Variants in AMDHD2 observed in about 807,000 individuals in gnomAD.
The protein encoded by AMDHD2 is amidohydrolase domain containing 2.
Under a neutral mutation model 41.8 loss-of-function variants are expected in AMDHD2, and 24 were observed. The observed-to-expected ratio is 0.57, with a 90% CI of 0.42 to 0.81. The LOEUF (loss-of-function observed/expected upper bound fraction) is 0.81. AMDHD2 is among the 30% of genes least tolerant of loss of function. The probability of loss-of-function intolerance (pLI) is 0.00; values close to 1 mark genes in which losing one functional copy is unlikely to be tolerated. For missense variants in AMDHD2, 540 were observed against 588.5 expected, an observed-to-expected ratio of 0.92 and a Z score of 0.85; for synonymous variants, 332 against 255.5, an observed-to-expected ratio of 1.30 and a Z score of -2.85.
chr16:2,525,288 C>T (rs536213810), intron 3 of AMDHD2, among the ~76,000 whole-genome samples: 3 of 151,620 alleles, frequency 2.0e-5, no homozygotes, highest in African/African-American at 7.3e-5. Context: ...GAACTCCTGA[C>T]CTCAGGTGAT....
In AMDHD2 at chr16:2,528,388, G is replaced by A; in HGVS notation, c.862+8G>A. 6.2e-7 allele frequency: 1 copy of A among 1,612,886 alleles called. No homozygotes were observed. The highest frequency in any genetic ancestry group is 8.5e-7 in the Non-Finnish European group (1 of 1,179,946). On this transcript the variant is annotated splice_region_variant and intron_variant, in intron 7 of 10. Transcript: ENST00000293971. ...ACCGTGCCCATCCCCAGGGTAAGCT[G>A]CGGCAGGTGGCCAGGACAGGTAGGA...
intron 3 of AMDHD2, among the ~76,000 whole-genome samples, 200 bp downstream of exon 3, chr16:2,521,323 C>T (rs970951322): frequency 1.3e-5 from 2 of 152,030 alleles, no homozygotes; most frequent in Non-Finnish European, 2.9e-5. Flanking sequence ...CTCCCTAGAC[C>T]CTCTGTCCTC....
In AMDHD2 at chr16:2,529,835, G is replaced by A; in HGVS notation, c.*272G>A. Reference sequence around the variant, plus strand: ...CCTGGGGTGGGATGGCTGGGCTGTAGTTTAGCCTGGGCCTTGGGCCCCAGT... The same window carrying A: ...CCTGGGGTGGGATGGCTGGGCTGTAATTTAGCCTGGGCCTTGGGCCCCAGT... On this transcript the variant is annotated 3_prime_UTR_variant, in exon 11 of 11. Coordinates refer to ENST00000293971, the MANE Select transcript of AMDHD2 (RefSeq NM_001330449.2). The A allele has an allele frequency of 7.1e-7, 1 of 1,414,220 alleles. No homozygotes were observed. Among genetic ancestry groups the A allele is most frequent in the Non-Finnish European group, 9.2e-7 (1 of 1,083,848 alleles). 87.6% of individuals were successfully genotyped at this position (1,414,220 alleles called of 1,614,324 possible).
chr16:2,527,252 A>T lies in AMDHD2; in HGVS notation c.361-309A>T. The T allele has an allele frequency of 2.1e-6, 1 of 485,286 alleles. No individual in the cohort carries two copies. Among genetic ancestry groups the T allele is most frequent in the Non-Finnish European group, 3.7e-6 (1 of 272,416 alleles). The allele number at this position is 485,286 out of a possible 1,614,324, so 30.1% of individuals were successfully genotyped here. A position where few individuals can be genotyped will look rare whatever the true frequency, so the allele number is the denominator to read the frequency against. On this transcript the variant is annotated intron_variant, in intron 3 of 10. Coordinates refer to ENST00000293971, the MANE Select transcript of AMDHD2 (RefSeq NM_001330449.2). The surrounding 1 kb of genome is among the most constrained non-coding windows in gnomAD (Gnocchi z 6.1). ...CTGCCCCAGGGTCCCTGCTGCTCCC[A>T]GGAGCCTCCTGCCTCCCAGCCCTGC...
At position 2,527,914 on chromosome 16, in the gene AMDHD2, T is replaced by TG. The variant is rs1336309661; in HGVS notation, c.559dup (p.Ala187GlyfsTer7). On this transcript the variant is annotated frameshift_variant, in exon 5 of 11. Coordinates refer to ENST00000293971, the MANE Select transcript of AMDHD2 (RefSeq NM_001330449.2). LOFTEE classifies it high-confidence loss of function. The surrounding 1 kb of genome is among the most constrained non-coding windows in gnomAD (Gnocchi z 6.1). ...CTGGACAATGTCCGCATCGTGACGC[T>TG]GGCCCCAGAGTTGGGCCGTAGCCAC... is the stretch of plus-strand genomic sequence containing the variant. 1 of 1,597,176 alleles carries TG rather than the reference T, an allele frequency of 6.3e-7. No homozygotes were observed. The highest frequency in any genetic ancestry group is 8.5e-7 in the Non-Finnish European group (1 of 1,178,584).
intron 3 of AMDHD2, among the ~76,000 whole-genome samples, chr16:2,525,834 G>A (rs945602973): frequency 6.6e-5 from 10 of 152,070 alleles, no homozygotes; most frequent in Admixed American, 4.6e-4. Context: ...GTGAGCCACC[G>A]CGCCTGGCCA....
intron 10 of AMDHD2, 172 bp from the exon 11 acceptor site, chr16:2,529,303 G>T: frequency 8.6e-7 from 1 of 1,159,146 alleles, no homozygotes; most frequent in Admixed American, 2.3e-5. Context: ...GCAAGGGGTT[G>T]CAGGGAGCAT....
Position 2,520,527 on chromosome 16 carries a change from AG to A in AMDHD2, c.72del (p.Lys25AsnfsTer103). ...QFTNCRILRG[G>X]KLLREDLWVR... is the part of the protein sequence containing the mutation. ...TCACTAACTGCCGGATCCTGCGCGG[AG>A]GGAAACTGCTCAGGTGGGCGCGGGC... is the stretch of plus-strand genomic sequence containing the variant. On this transcript the variant is annotated frameshift_variant, in exon 1 of 11. Transcript: ENST00000293971. LOFTEE classifies it high-confidence loss of function. 1 of 1,145,034 alleles carries A rather than the reference AG, an allele frequency of 8.7e-7. No individual in the cohort carries two copies. Among genetic ancestry groups the A allele is most frequent in the Non-Finnish European group, 1.1e-6 (1 of 933,072 alleles). 70.9% of individuals were successfully genotyped at this position (1,145,034 alleles called of 1,614,324 possible). A position where few individuals can be genotyped will look rare whatever the true frequency, so the allele number is the denominator to read the frequency against.
chr16:2,527,550 G>A lies in AMDHD2; in HGVS notation c.361-11G>A, dbSNP rs748850417. 2.1e-5 allele frequency: 34 copies of A among 1,611,334 alleles called. No individual in the cohort carries two copies. The highest frequency in any genetic ancestry group is 1.6e-4 in the Middle Eastern group (1 of 6,078). ...GTGGGGGACAGGGCTTTAACAGCTG[G>A]TTCCCCCCAGGTTGTTCCTCAGATC... On this transcript the variant is annotated splice_polypyrimidine_tract_variant and intron_variant, in intron 3 of 10. Transcript: ENST00000293971. The surrounding 1 kb of genome is among the most constrained non-coding windows in gnomAD (Gnocchi z 6.1).
Position 2,531,187 on chromosome 16 carries a change from G to T in AMDHD2, c.*1624G>T. ...TTGGGCCTGGCCTGCCCCATTCACC[G>T]GCCAGCGCCCCACCTCCCTGGCTGG... On this transcript the variant is annotated 3_prime_UTR_variant, in exon 11 of 11. Transcript: ENST00000293971. 2.2e-6 allele frequency: 3 copies of T among 1,356,628 alleles called. No individual in the cohort carries two copies. The South Asian group carries it at 4.3e-5, about 20-fold the overall frequency. 84.0% of individuals were successfully genotyped at this position (1,356,628 alleles called of 1,614,324 possible). A position where few individuals can be genotyped will look rare whatever the true frequency, so the allele number is the denominator to read the frequency against.
At position 2,527,131 on chromosome 16, in the gene AMDHD2, G is replaced by A. The variant is rs573254920; in HGVS notation, c.361-430G>A. ...GTGTGGTGTGAGCCCGTGTCCCCCC[G>A]TTCCCTGACACACTCGGTCTTCCTG... On this transcript the variant is annotated intron_variant, in intron 3 of 10. Transcript: ENST00000293971. This position sits in a 1 kb window ranked among gnomAD's most constrained non-coding sequence, Gnocchi z 6.1. 4.2e-5 allele frequency: 9 copies of A among 216,206 alleles called. No individual in the cohort carries two copies. The highest frequency in any genetic ancestry group is 2.8e-4 in the South Asian group (4 of 14,542). 13.4% of individuals were successfully genotyped at this position (216,206 alleles called of 1,614,324 possible). A position where few individuals can be genotyped will look rare whatever the true frequency, so the allele number is the denominator to read the frequency against.
At chr16:2,520,962 A>G (rs1242149219) in intron 2 of AMDHD2, 22 bp from the exon 3 acceptor site, 20 of 1,596,272 alleles carry the variant, frequency 1.3e-5, no homozygotes, top group Non-Finnish European at 1.3e-5. Context: ...TCCATGCGAC[A>G]CTTCCTTTTC....
chr16:2,528,037 A>G, intron 5 of AMDHD2, 23 bp from the exon 6 acceptor site: 1 of 1,611,990 alleles, frequency 6.2e-7, no homozygotes, highest in Non-Finnish European at 8.5e-7. Context: ...GCCAGGTGCA[A>G]AGTCTGAATC....
chr16:2,528,158 ATGGGGCCCCAGGGGCGGGGC>A lies in AMDHD2; in HGVS notation c.717+16_717+35del. 1 of 1,612,766 alleles carries A rather than the reference ATGGGGCCCCAGGGGCGGGGC, an allele frequency of 6.2e-7. No homozygotes were observed. Among genetic ancestry groups the A allele is most frequent in the Non-Finnish European group, 8.5e-7 (1 of 1,179,802 alleles). ...CAACGCCATGCTGCCTGTGAGTGCTATGGGGCCCCAGGGGCGGGGCTGGGGTCCCAGCAGCCCCTGCTGTC... is the reference window on the plus strand; with the variant it reads ...CAACGCCATGCTGCCTGTGAGTGCTATGGGGTCCCAGCAGCCCCTGCTGTC... On this transcript the variant is annotated intron_variant, in intron 6 of 10. Coordinates refer to ENST00000293971, the MANE Select transcript of AMDHD2 (RefSeq NM_001330449.2).
chr16:2,529,578 G>C lies in AMDHD2; in HGVS notation c.*15G>C. 1 of 1,605,738 alleles carries C rather than the reference G, an allele frequency of 6.2e-7. No homozygotes were observed. Among genetic ancestry groups the C allele is most frequent in the Non-Finnish European group, 8.5e-7 (1 of 1,179,860 alleles). ...CTAGGCAGTGACAAGGACCTCGGCTGAGAGGACACCTGGCCGCAGCGGGAT... is the reference window on the plus strand; with the variant it reads ...CTAGGCAGTGACAAGGACCTCGGCTCAGAGGACACCTGGCCGCAGCGGGAT... On this transcript the variant is annotated 3_prime_UTR_variant, in exon 11 of 11. Transcript: ENST00000293971.
In AMDHD2 at chr16:2,528,698, G is replaced by A. The variant is rs1283857020; in HGVS notation, c.1019G>A (p.Arg340Gln). 11 of 1,612,684 alleles carry A rather than the reference G, an allele frequency of 6.8e-6. No homozygotes were observed. The highest frequency in any genetic ancestry group is 7.6e-6 in the Non-Finnish European group (9 of 1,179,916). The change falls in exon 9 of 11, where the codon CGG (arginine) becomes CAG (glutamine). Residue 340 changes from arginine to glutamine, a missense_variant. By Grantham distance (43) the Arg-to-Gln change is conservative. Coordinates refer to ENST00000293971, the MANE Select transcript of AMDHD2 (RefSeq NM_001330449.2). ...ATAGCCCCAATGGACGTCTGTGTCCGGCACTTCCTGCAGGCCACAGGTCAG... is the reference window on the plus strand; with the variant it reads ...ATAGCCCCAATGGACGTCTGTGTCCAGCACTTCCTGCAGGCCACAGGTCAG... ...GSIAPMDVCV[R>Q]HFLQATGCSM...
chr16:2,528,202 T>C, intron 6 of AMDHD2, 34 bp from the exon 7 acceptor site: 2 of 1,612,072 alleles, frequency 1.2e-6, no homozygotes, highest in Non-Finnish European at 1.7e-6. Flanking sequence ...GCCCCTGCTG[T>C]CGCTCAGCCA....
chr16:2,527,776 T>A lies in AMDHD2; in HGVS notation c.419T>A (p.Leu140Gln), dbSNP rs1248287566. 1 of 1,575,856 alleles carries A rather than the reference T, an allele frequency of 6.3e-7. No homozygotes were observed. The highest frequency in any genetic ancestry group is 8.6e-7 in the Non-Finnish European group (1 of 1,164,846). The change falls in exon 5 of 11, where the codon CTG becomes CAG. Residue 140 changes from leucine to glutamine, a missense_variant. Physicochemically the swap from Leu to Gln is moderately radical, Grantham distance 113. Coordinates refer to ENST00000293971, the MANE Select transcript of AMDHD2 (RefSeq NM_001330449.2). This position sits in a 1 kb window ranked among gnomAD's most constrained non-coding sequence, Gnocchi z 6.1. The stretch of plus-strand genomic sequence containing the variant: ...GCCACTTGCTCCCTCCTCCCAGGGC[T>A]GCACCTGGAGGGCCCCTTCATCAGC... ...GGPHGAGVLG[L>Q]HLEGPFISRE...
chr16:2,529,461 C>T lies in AMDHD2; in HGVS notation c.1142-14C>T, dbSNP rs369050208. On this transcript the variant is annotated splice_polypyrimidine_tract_variant and intron_variant, in intron 10 of 10. Transcript: ENST00000293971. Reference sequence around the variant, plus strand: ...CCACTCCTGCCCCCTACTCATTGCCCGGCTCTGTCCCAGACTTCGTGGTGC... The same window carrying T: ...CCACTCCTGCCCCCTACTCATTGCCTGGCTCTGTCCCAGACTTCGTGGTGC... The T allele has an allele frequency of 1.1e-4, 175 of 1,608,618 alleles. No homozygotes were observed. The highest frequency in any genetic ancestry group is 1.4e-4 in the Non-Finnish European group (160 of 1,179,894).
Sources: allele counts gnomAD v4.1 joint callset (sites outside exome capture counted in the v4.1 genomes callset), GRCh38; gene constraint gnomAD v4.1.1; non-coding constraint Gnocchi (gnomAD v3.1); transcripts MANE v1.5; gene names NCBI Gene and HGNC (gene_info 2026-07-23, HGNC 2026-07-21).